Variants in PTPRD observed in about 807,000 individuals in gnomAD.
PTPRD encodes receptor-type tyrosine-protein phosphatase delta.
Under a neutral mutation model 214.5 loss-of-function variants are expected in PTPRD, and 34 were observed. That is an observed-to-expected ratio of 0.16 (90% CI 0.12 to 0.21). PTPRD has a LOEUF of 0.21. PTPRD is among the 10% of genes least tolerant of loss of function. The probability of loss-of-function intolerance (pLI) is 1.00; values close to 1 mark genes in which losing one functional copy is unlikely to be tolerated. For missense variants in PTPRD, 2,545 were observed against 2,398.7 expected (o/e 1.06, Z -1.27); for synonymous variants, 1,128 against 845.7 (o/e 1.33, Z -5.79).
At chr9:8,404,801 T>C in intron 35 of PTPRD, 141 bp from the exon 36 acceptor site, 2 of 1,017,100 alleles carry the variant, frequency 2.0e-6, no homozygotes, top group South Asian at 4.0e-5. Context: ...ACTGTGAAGC[T>C]GAACACTAAT....
intron 11 of PTPRD, among the ~76,000 whole-genome samples, chr9:8,976,206 G>A (rs567968714): frequency 6.6e-6 from 1 of 151,942 alleles, no homozygotes; most frequent in Admixed American, 6.6e-5. Context: ...TATTGTTTGT[G>A]TTTAAACTAT....
intron 5 of PTPRD, among the ~76,000 whole-genome samples, chr9:9,811,588 T>C (rs1216913811): frequency 6.6e-6 from 1 of 152,054 alleles, no homozygotes; most frequent in Non-Finnish European, 1.5e-5. Flanking sequence ...GCGCCTGTAG[T>C]CCCAGCTACT....
chr9:10,607,569 A>G (rs2079786803), intron 2 of PTPRD, among the ~76,000 whole-genome samples: 1 of 151,928 alleles, frequency 6.6e-6, no homozygotes, highest in Non-Finnish European at 1.5e-5. Flanking sequence ...TAAGTATAGC[A>G]TGATCTCCCA....
At chr9:9,317,944 G>C (rs1293521421) in intron 9 of PTPRD, among the ~76,000 whole-genome samples, 2 of 152,086 alleles carry the variant, frequency 1.3e-5, no homozygotes, top group African/African-American at 2.4e-5. Context: ...GGCCAAGACA[G>C]GCGGATCACT....
At chr9:10,160,562 T>C (rs2099121551) in intron 3 of PTPRD, among the ~76,000 whole-genome samples, 1 of 151,840 alleles carries the variant, frequency 6.6e-6, no homozygotes, top group Non-Finnish European at 1.5e-5. Flanking sequence ...AAACTGGATA[T>C]AGAAAAAACA....
intron 5 of PTPRD, among the ~76,000 whole-genome samples, chr9:9,829,224 T>C (rs1247226045): frequency 6.6e-6 from 1 of 151,910 alleles, no homozygotes; most frequent in Admixed American, 6.6e-5. Context: ...TGGTAGCATG[T>C]ATAACATAAG....
intron 5 of PTPRD, among the ~76,000 whole-genome samples, chr9:9,801,544 T>C (rs1317386553): frequency 6.6e-6 from 1 of 152,080 alleles, no homozygotes; most frequent in Non-Finnish European, 1.5e-5. Context: ...CCAAGGTATA[T>C]AAAGGGAGCA....
intron 5 of PTPRD, among the ~76,000 whole-genome samples, chr9:9,846,526 G>A (rs1387509150): frequency 6.6e-6 from 1 of 152,162 alleles, no homozygotes; most frequent in Non-Finnish European, 1.5e-5. Context: ...CTTAGCTCAT[G>A]AGAGTGAAAT....
intron 9 of PTPRD, among the ~76,000 whole-genome samples, chr9:9,328,834 C>T (rs1405720447): frequency 6.6e-6 from 1 of 151,064 alleles, no homozygotes; most frequent in Non-Finnish European, 1.5e-5. Flanking sequence ...GACAGGGTTT[C>T]ACTATGTTGG....
chr9:10,467,077 T>G (rs2098999712), intron 2 of PTPRD, among the ~76,000 whole-genome samples: 1 of 152,182 alleles, frequency 6.6e-6, no homozygotes, highest in South Asian at 2.1e-4. Context: ...GTGACTACCC[T>G]CACTCAGAAG....
intron 9 of PTPRD, among the ~76,000 whole-genome samples, chr9:9,361,245 A>G (rs1364973497): frequency 1.3e-5 from 2 of 151,156 alleles, no homozygotes; most frequent in Non-Finnish European, 1.5e-5. Flanking sequence ...GAAAATGCCC[A>G]GGCTTTTCTC....
At chr9:8,596,261 TTATATGGATTATATGGA>T (rs1365130697) in intron 14 of PTPRD, among the ~76,000 whole-genome samples, 5 of 142,556 alleles carry the variant, frequency 3.5e-5, no homozygotes, top group African/African-American at 1.2e-4. Context: ...ATTTTATGGA[TTATATGGATTATATGGA>T]TATATGGATT....
chr9:10,167,735 C>T (rs1465361524), intron 3 of PTPRD, among the ~76,000 whole-genome samples: 3 of 152,004 alleles, frequency 2.0e-5, no homozygotes. Flanking sequence ...AATTCACCTT[C>T]TCCCAATATA....
chr9:10,469,981 C>G (rs558041944), intron 2 of PTPRD, among the ~76,000 whole-genome samples: 94 of 151,272 alleles, frequency 6.2e-4, no homozygotes, highest in Admixed American at 9.2e-4. Flanking sequence ...AGTCAATAGA[C>G]TGGTGTTACC....
intron 11 of PTPRD, among the ~76,000 whole-genome samples, chr9:8,906,804 G>A (rs1046788432): frequency 2.0e-5 from 3 of 152,062 alleles, no homozygotes; most frequent in Non-Finnish European, 4.4e-5. Flanking sequence ...CTATCCAGAC[G>A]TTTAACAGGG....
intron 5 of PTPRD, among the ~76,000 whole-genome samples, chr9:9,791,677 G>A (rs113197358): frequency 6.6e-6 from 1 of 151,922 alleles, no homozygotes; most frequent in African/African-American, 2.4e-5. Context: ...TTGTAATTTT[G>A]TTTTGGTCAA....
intron 3 of PTPRD, among the ~76,000 whole-genome samples, chr9:10,264,753 A>T (rs1255096421): frequency 6.6e-6 from 1 of 152,116 alleles, no homozygotes; most frequent in Non-Finnish European, 1.5e-5. Context: ...AGGACACGAG[A>T]TTTGGGAGGG....
intron 9 of PTPRD, among the ~76,000 whole-genome samples, chr9:9,197,191 C>T (rs1363179239): frequency 6.6e-6 from 1 of 152,104 alleles, no homozygotes; most frequent in East Asian, 1.9e-4. Flanking sequence ...TAATCCAGAG[C>T]AAAGCCACAC....
At chr9:8,736,328 A>C (rs1435818835) in intron 11 of PTPRD, among the ~76,000 whole-genome samples, 1 of 152,150 alleles carries the variant, frequency 6.6e-6, no homozygotes, top group African/African-American at 2.4e-5. Context: ...AAAAATAAAG[A>C]GAGTAGATCA....
Sources: gnomAD v4.1 joint callset for allele counts (sites outside exome capture counted in the v4.1 genomes callset) on GRCh38, gnomAD v4.1.1 for gene constraint, MANE v1.5 for transcripts, NCBI Gene and HGNC (gene_info 2026-07-23, HGNC 2026-07-21) for gene names.